GPC6: variants seen among roughly 807,000 people sequenced by gnomAD.
GPC6 encodes glypican 6, also known as glypican-6.
In GPC6, 14 loss-of-function variants were observed where a neutral mutation model predicts 55.2. The ratio of observed to expected loss-of-function variants is 0.25; its 90% CI spans 0.17 to 0.40. The LOEUF (loss-of-function observed/expected upper bound fraction) is 0.40. GPC6 is among the 10% of genes least tolerant of loss of function. The probability of loss-of-function intolerance (pLI) is 1.00; values close to 1 mark genes in which losing one functional copy is unlikely to be tolerated. For synonymous variants in GPC6, 278 were observed against 259.6 expected (o/e 1.07, Z -0.68); for missense variants, 641 against 708.5 (o/e 0.90, Z 1.08).
At chr13:94,147,113 T>C (rs991888815) in intron 4 of GPC6, among the ~76,000 whole-genome samples, 3 of 152,162 alleles carry the variant, frequency 2.0e-5, no homozygotes, top group Non-Finnish European at 2.9e-5. Flanking sequence ...CAATGCCAGA[T>C]GACCCTGACT....
intron 1 of GPC6, among the ~76,000 whole-genome samples, chr13:93,429,447 C>G (rs976829604): frequency 4.6e-5 from 7 of 152,080 alleles, no homozygotes; most frequent in African/African-American, 1.7e-4. Context: ...TTGGGATAGT[C>G]CAGTGAGTGA....
chr13:93,621,384 A>G (rs1310082546), intron 2 of GPC6, among the ~76,000 whole-genome samples: 1 of 152,084 alleles, frequency 6.6e-6, no homozygotes, highest in Non-Finnish European at 1.5e-5. Context: ...GTAGTTTGTA[A>G]TTTTATTCAA....
chr13:93,233,172 G>A (rs960951555), intron 1 of GPC6, among the ~76,000 whole-genome samples: 26 of 152,056 alleles, frequency 1.7e-4, no homozygotes, highest in Non-Finnish European at 3.2e-4. Flanking sequence ...ATATAGTACA[G>A]TTTGAAAGTA....
chr13:94,086,500 A>G (rs1302556175), intron 4 of GPC6, among the ~76,000 whole-genome samples: 1 of 152,040 alleles, frequency 6.6e-6, no homozygotes, highest in East Asian at 1.9e-4. Context: ...ATCTGTAGAA[A>G]TGTGCATGGT....
chr13:94,216,943 C>G (rs1341181478), intron 4 of GPC6, among the ~76,000 whole-genome samples: 1 of 152,166 alleles, frequency 6.6e-6, no homozygotes, highest in African/African-American at 2.4e-5. Flanking sequence ...ATCTGGGTCT[C>G]AAACCAGCTT....
At chr13:93,290,585 G>A (rs1878286538) in intron 1 of GPC6, among the ~76,000 whole-genome samples, 1 of 152,076 alleles carries the variant, frequency 6.6e-6, no homozygotes, top group Non-Finnish European at 1.5e-5. Flanking sequence ...ATAGATTAGA[G>A]GAATCCCCTT....
At chr13:93,973,311 G>A (rs1880369744) in intron 3 of GPC6, among the ~76,000 whole-genome samples, 1 of 152,102 alleles carries the variant, frequency 6.6e-6, no homozygotes, top group South Asian at 2.1e-4. Flanking sequence ...GTAAAAATAT[G>A]GTGTTAAAAT....
chr13:93,536,002 A>C (rs1013459151), intron 1 of GPC6, among the ~76,000 whole-genome samples: 7 of 152,116 alleles, frequency 4.6e-5, no homozygotes, highest in African/African-American at 1.7e-4. Context: ...ATTTACTCCA[A>C]GGCTGACACA....
intron 3 of GPC6, among the ~76,000 whole-genome samples, chr13:93,991,773 T>G (rs1255102980): frequency 6.6e-6 from 1 of 152,156 alleles, no homozygotes; most frequent in Non-Finnish European, 1.5e-5. Context: ...TGAAATTGCT[T>G]GGATAAATCA....
At chr13:93,870,161 A>C (rs1166600599) in intron 3 of GPC6, among the ~76,000 whole-genome samples, 1 of 151,874 alleles carries the variant, frequency 6.6e-6, no homozygotes, top group African/African-American at 2.4e-5. Flanking sequence ...CTATTTTCAC[A>C]TAGCCTCAAG....
chr13:94,353,393 C>G (rs1351954396), intron 6 of GPC6, among the ~76,000 whole-genome samples: 1 of 152,184 alleles, frequency 6.6e-6, no homozygotes, highest in Non-Finnish European at 1.5e-5. Flanking sequence ...GCTTTATCCT[C>G]TCTCCTCCCC....
chr13:93,671,990 G>C (rs1198675556), intron 2 of GPC6, among the ~76,000 whole-genome samples: 1 of 152,000 alleles, frequency 6.6e-6, no homozygotes, highest in Non-Finnish European at 1.5e-5. Flanking sequence ...ACTATGATTA[G>C]TTCTAATTAA....
At chr13:93,605,383 G>T (rs1220046999) in intron 2 of GPC6, among the ~76,000 whole-genome samples, 1 of 152,152 alleles carries the variant, frequency 6.6e-6, no homozygotes, top group Non-Finnish European at 1.5e-5. Flanking sequence ...CAGATGAATA[G>T]TTATTGCACA....
intron 2 of GPC6, among the ~76,000 whole-genome samples, chr13:93,607,380 TG>T (rs2139533824): frequency 6.6e-6 from 1 of 152,366 alleles, no homozygotes; most frequent in Non-Finnish European, 1.5e-5. Context: ...AGCTAAGCTC[TG>T]GGGGTGGTGC....
intron 1 of GPC6, among the ~76,000 whole-genome samples, chr13:93,515,865 A>G (rs953653029): frequency 1.3e-5 from 2 of 152,164 alleles, no homozygotes; most frequent in African/African-American, 2.4e-5. Flanking sequence ...AAAAAGTCAT[A>G]TCTATAGAAA....
intron 2 of GPC6, among the ~76,000 whole-genome samples, chr13:93,714,662 T>C (rs188216752): frequency 6.6e-6 from 1 of 151,756 alleles, no homozygotes; most frequent in Non-Finnish European, 1.5e-5. Flanking sequence ...GATGGGTTCT[T>C]GATTTTGTAC....
chr13:93,460,826 A>G (rs1302625425), intron 1 of GPC6, among the ~76,000 whole-genome samples: 1 of 152,146 alleles, frequency 6.6e-6, no homozygotes, highest in African/African-American at 2.4e-5. Flanking sequence ...TATTAGTGTT[A>G]TATTCCTTAC....
chr13:93,283,482 C>G (rs1189224640), intron 1 of GPC6, among the ~76,000 whole-genome samples: 2 of 152,094 alleles, frequency 1.3e-5, no homozygotes, highest in Non-Finnish European at 2.9e-5. Flanking sequence ...TGCTGCAGAC[C>G]AGTGAGAAAT....
chr13:94,344,730 A>T (rs1403592110), intron 6 of GPC6, among the ~76,000 whole-genome samples: 6 of 152,220 alleles, frequency 3.9e-5, no homozygotes, highest in Admixed American at 1.3e-4. Context: ...GGACACTGAC[A>T]CTATCTGCAA....
Sources: allele counts gnomAD v4.1 joint callset (sites outside exome capture counted in the v4.1 genomes callset), GRCh38; gene constraint gnomAD v4.1.1; transcripts MANE v1.5; gene names NCBI Gene and HGNC (gene_info 2026-07-23, HGNC 2026-07-21).